Variants in FAT3 observed in about 807,000 individuals in gnomAD.
FAT3 encodes the protein FAT atypical cadherin 3, also known as protocadherin Fat 3.
In FAT3, 95 loss-of-function variants were observed where a neutral mutation model predicts 310.2. The observed-to-expected ratio is 0.31, with a 90% CI of 0.26 to 0.36. The LOEUF is 0.36. Among genes scored for constraint, FAT3 ranks in the 10% least tolerant of loss-of-function variants. The pLI is 1.00. For synonymous variants in FAT3, 2,314 were observed against 2,192.9 expected, an observed-to-expected ratio of 1.06 and a Z score of -1.54; for missense variants, 5,408 against 5,715.6, an observed-to-expected ratio of 0.95 and a Z score of 1.74.
At chr11:92,802,627 G>A (rs1429363248) in intron 10 of FAT3, among the ~76,000 whole-genome samples, 1 of 152,138 alleles carries the variant, frequency 6.6e-6, no homozygotes, top group Non-Finnish European at 1.5e-5. Flanking sequence ...ACTGAAAGAG[G>A]AGAGGGTTGA....
intron 2 of FAT3, among the ~76,000 whole-genome samples, chr11:92,418,848 A>G (rs1370313856): frequency 1.3e-5 from 2 of 152,166 alleles, no homozygotes; most frequent in Non-Finnish European, 2.9e-5. Context: ...GGTAAATAAC[A>G]AAGAGAGAGC....
intron 7 of FAT3, among the ~76,000 whole-genome samples, chr11:92,784,534 C>T (rs1946838066): frequency 6.6e-6 from 1 of 152,152 alleles, no homozygotes; most frequent in South Asian, 2.1e-4. Context: ...CCTGCAAAAC[C>T]CGAAGTGTTT....
intron 2 of FAT3, among the ~76,000 whole-genome samples, chr11:92,453,129 A>G (rs979723100): frequency 6.6e-6 from 1 of 152,082 alleles, no homozygotes; most frequent in African/African-American, 2.4e-5. Flanking sequence ...ATCTTTGCCG[A>G]TTAGCTCCAC....
At chr11:92,782,456 T>C (rs1015065378) in intron 7 of FAT3, among the ~76,000 whole-genome samples, 2 of 152,124 alleles carry the variant, frequency 1.3e-5, no homozygotes, top group Non-Finnish European at 2.9e-5. Flanking sequence ...CACACACCTA[T>C]AGTCCCAGCT....
intron 1 of FAT3, among the ~76,000 whole-genome samples, chr11:92,307,343 T>TA (rs1947168662): frequency 6.6e-6 from 1 of 152,182 alleles, no homozygotes; most frequent in Non-Finnish European, 1.5e-5. Context: ...TTCCTTTGTT[T>TA]AATTTGGCTC....
intron 23 of FAT3, among the ~76,000 whole-genome samples, chr11:92,881,182 T>TA (rs1255263891): frequency 6.6e-6 from 1 of 152,248 alleles, no homozygotes; most frequent in African/African-American, 2.4e-5. Context: ...CTAGGCCACC[T>TA]AATATTTCTA....
intron 4 of FAT3, among the ~76,000 whole-genome samples, chr11:92,740,004 T>C (rs1945460431): frequency 6.6e-6 from 1 of 152,168 alleles, no homozygotes; most frequent in Admixed American, 6.5e-5. Flanking sequence ...ATCTGGGCAA[T>C]GTCATGCCCT....
chr11:92,819,945 A>T (rs1947917753), intron 13 of FAT3, among the ~76,000 whole-genome samples: 1 of 152,198 alleles, frequency 6.6e-6, no homozygotes, highest in East Asian at 1.9e-4. Context: ...AGCCTCTAAG[A>T]TAACCCCAGT....
intron 3 of FAT3, among the ~76,000 whole-genome samples, chr11:92,551,540 A>G (rs2135439285): frequency 6.6e-6 from 1 of 152,018 alleles, no homozygotes; most frequent in South Asian, 2.1e-4. Flanking sequence ...GTATTTTACA[A>G]TGACTCCTGC....
chr11:92,547,331 A>G (rs562873252), intron 3 of FAT3, among the ~76,000 whole-genome samples: 1 of 152,290 alleles, frequency 6.6e-6, no homozygotes, highest in South Asian at 2.1e-4. Flanking sequence ...CCTGATTATT[A>G]TACATGTTAG....
chr11:92,479,411 A>G (rs1253757101), intron 2 of FAT3, among the ~76,000 whole-genome samples: 2 of 152,058 alleles, frequency 1.3e-5, no homozygotes, highest in Non-Finnish European at 2.9e-5. Flanking sequence ...AAATGCTTCC[A>G]TTTTCACAAC....
intron 1 of FAT3, among the ~76,000 whole-genome samples, chr11:92,231,305 GT>G (rs1477992252): frequency 1.3e-5 from 2 of 151,926 alleles, no homozygotes; most frequent in African/African-American, 4.8e-5. Context: ...CTGTTGCTTG[GT>G]TTTTTACCTT....
chr11:92,245,173 G>A (rs897987461), intron 1 of FAT3, among the ~76,000 whole-genome samples: 4 of 152,106 alleles, frequency 2.6e-5, no homozygotes, highest in African/African-American at 9.7e-5. Context: ...AAAAAAGGAT[G>A]AGTTCATGTC....
intron 1 of FAT3, among the ~76,000 whole-genome samples, chr11:92,256,487 T>A (rs901397135): frequency 1.3e-5 from 2 of 151,972 alleles, no homozygotes; most frequent in African/African-American, 4.8e-5. Flanking sequence ...TTCGAGTTAT[T>A]AATATTATGA....
chr11:92,556,276 T>C (rs1224067096), intron 3 of FAT3, among the ~76,000 whole-genome samples: 1 of 152,176 alleles, frequency 6.6e-6, no homozygotes, highest in African/African-American at 2.4e-5. Context: ...CTTTTAGCTG[T>C]TATCTACCAG....
chr11:92,291,108 CACACACACAT>C (rs1050562496), intron 1 of FAT3, among the ~76,000 whole-genome samples: 5 of 151,670 alleles, frequency 3.3e-5, no homozygotes, highest in Admixed American at 6.6e-5. Context: ...CACACACACA[CACACACACAT>C]GCACGCGCGC....
At chr11:92,887,211 C>A in intron 25 of FAT3, 98 bp downstream of exon 25, 1 of 1,014,610 alleles carries the variant, frequency 9.9e-7, no homozygotes, top group Non-Finnish European at 1.5e-6. Flanking sequence ...CTTTGTTTCT[C>A]AACCTGTTCA....
chr11:92,890,601 C>A lies in FAT3; in HGVS notation c.13258C>A (p.Arg4420=). ...DGGSAHQGST[R]ELESDYYLGG... is the part of the protein sequence containing the mutation. The stretch of plus-strand genomic sequence containing the variant: ...AGGGTCTGCACACCAGGGGAGCACA[C>A]GGGAGCTGGAGAGCGATTACTACCT... The change falls in exon 28 of 28, where the codon CGG becomes AGG. Residue 4420 remains arginine, a synonymous_variant. Coordinates refer to ENST00000525166, the MANE Select transcript of FAT3 (RefSeq NM_001367949.2). The A allele has an allele frequency of 1.2e-6, 2 of 1,613,638 alleles. No homozygotes were observed. The highest frequency in any genetic ancestry group is 1.1e-5 in the South Asian group (1 of 91,064).
chr11:92,560,624 A>G (rs1232441910), intron 3 of FAT3, among the ~76,000 whole-genome samples: 1 of 152,162 alleles, frequency 6.6e-6, no homozygotes, highest in Non-Finnish European at 1.5e-5. Flanking sequence ...ATTTGATCAC[A>G]TGGCTATTTA....
Sources: gnomAD v4.1 joint callset for allele counts (sites outside exome capture counted in the v4.1 genomes callset) on GRCh38, gnomAD v4.1.1 for gene constraint, MANE v1.5 for transcripts, NCBI Gene and HGNC (gene_info 2026-07-23, HGNC 2026-07-21) for gene names.